Variants in SULF2 observed in about 807,000 individuals in gnomAD.
The protein encoded by SULF2 is extracellular sulfatase Sulf-2.
SULF2 carries 52 observed loss-of-function variants against 107.7 expected under a neutral mutation model. The ratio of observed to expected loss-of-function variants is 0.48; its 90% confidence interval spans 0.39 to 0.61. SULF2 has a LOEUF of 0.61. Among genes scored for constraint, SULF2 ranks in the 20% least tolerant of loss-of-function variants. SULF2 has a pLI of 0.00. For synonymous variants in SULF2, 460 were observed against 464.3 expected, an observed-to-expected ratio of 0.99 and a Z score of 0.12; for missense variants, 993 against 1,177.3, an observed-to-expected ratio of 0.84 and a Z score of 2.29.
At position 47,683,025 on chromosome 20, in the gene SULF2, C is replaced by T. The variant is rs373491304; in HGVS notation, c.1033G>A (p.Val345Met). Residue 345 changes from valine (V) to methionine (M), a missense_variant, in exon 7 of 21, where the codon GTG (valine) becomes ATG (methionine). By Grantham distance (21) the Val-to-Met change is conservative. Around this residue, in one of 3 missense-constraint regions of SULF2, gnomAD observed 108 missense variants for 183.9 expected, o/e 0.59. Transcript: ENST00000688720. ...CCGGCTTCCACGTTGGGGCCCCTCA[C>T]GTAGAACGGGACCCTGATGTCAAAC... ...YEFDIRVPFYVRGPNVEAGCL... is the reference protein window; with the variant it reads ...YEFDIRVPFYMRGPNVEAGCL... 7.1e-5 allele frequency: 115 copies of T among 1,612,368 alleles called. No homozygotes were observed. The highest frequency in any genetic ancestry group is 1.3e-4 in the African/African-American group (10 of 75,018).
chr20:47,691,965 A>C (rs577785447), intron 4 of SULF2, among the ~76,000 whole-genome samples: 1 of 152,232 alleles, frequency 6.6e-6, no homozygotes, highest in African/African-American at 2.4e-5. Context: ...CAGTGGTGAA[A>C]TCATGGCTCA....
intron 11 of SULF2, among the ~76,000 whole-genome samples, chr20:47,670,716 AGCGGGGT>A: frequency 1.3e-5 from 1 of 75,440 alleles, no homozygotes; most frequent in Non-Finnish European, 2.8e-5. Flanking sequence ...TGGGGGTGGG[AGCGGGGT>A]GGGAGAATGG....
chr20:47,729,260 G>C (rs34881944), intron 3 of SULF2, among the ~76,000 whole-genome samples: 7 of 152,086 alleles, frequency 4.6e-5, no homozygotes, highest in African/African-American at 1.7e-4. Flanking sequence ...GGCTGAGAGG[G>C]TTCAGAGAGA....
At chr20:47,682,053 CGTT>C (rs2087840152) in intron 7 of SULF2, among the ~76,000 whole-genome samples, 3 of 152,012 alleles carry the variant, frequency 2.0e-5, no homozygotes, top group South Asian at 2.1e-4. Context: ...TGTGGACTGT[CGTT>C]ATTACAGCTC....
At chr20:47,709,934 C>T (rs1480340430) in intron 3 of SULF2, among the ~76,000 whole-genome samples, 1 of 149,370 alleles carries the variant, frequency 6.7e-6, no homozygotes, top group East Asian at 2.0e-4. Context: ...TGGAGTCTCA[C>T]TCTGTCTCCC....
chr20:47,739,035 G>A (rs767901187), intron 2 of SULF2, among the ~76,000 whole-genome samples: 1 of 152,168 alleles, frequency 6.6e-6, no homozygotes. Flanking sequence ...ACAAGCCAAG[G>A]AACAAGGAAC....
At chr20:47,669,458 C>T (rs2087390609) in intron 11 of SULF2, among the ~76,000 whole-genome samples, 1 of 152,190 alleles carries the variant, frequency 6.6e-6, no homozygotes, top group African/African-American at 2.4e-5. Context: ...CCAGCAGCAC[C>T]CCTCCATCAC....
intron 15 of SULF2, 47 bp from the exon 16 acceptor site, chr20:47,663,669 G>C: frequency 6.6e-7 from 1 of 1,519,806 alleles, no homozygotes; most frequent in Non-Finnish European, 8.8e-7. Flanking sequence ...TGAGGGATCA[G>C]TGACCCCATG....
chr20:47,690,362 G>T, intron 4 of SULF2, 67 bp from the exon 5 acceptor site: 1 of 1,279,046 alleles, frequency 7.8e-7, no homozygotes, highest in Non-Finnish European at 1.0e-6. Context: ...TCCACTACGT[G>T]CCAGGCACCC....
At chr20:47,706,277 C>T (rs1163315592) in intron 3 of SULF2, among the ~76,000 whole-genome samples, 3 of 152,122 alleles carry the variant, frequency 2.0e-5, no homozygotes, top group Non-Finnish European at 4.4e-5. Flanking sequence ...CGCTGCCCTC[C>T]ATGCGGGGGG....
chr20:47,663,469 C>T lies in SULF2; in HGVS notation c.2211G>A (p.Thr737=), dbSNP rs775502103. The T allele has an allele frequency of 1.1e-5, 17 of 1,609,514 alleles. No individual in the cohort carries two copies. The highest frequency in any genetic ancestry group is 3.3e-5 in the South Asian group (3 of 91,090). The change falls in exon 16 of 21, where the codon ACG becomes ACA. Residue 737 remains threonine (T), a synonymous_variant. Transcript: ENST00000688720. The stretch of plus-strand genomic sequence containing the variant: ...CTTGCTCACGTGTCCAGAAAGGCGC[C>T]GTCTGCCAGTGCTGGTTGTCGTGGG... The part of the protein sequence containing the change: ...CFTHDNQHWQ[T]APFWTLGPFC...
Position 47,672,117 on chromosome 20 carries a change from G to C in SULF2, c.1576+81C>G, listed in dbSNP as rs913995572. On this transcript the variant is annotated intron_variant, in intron 11 of 20. Transcript: ENST00000688720. ...ACCTGGCAAAGTGACAGTCTCTGTG[G>C]AACTGTCGGAGTGAATGAATGGGGC... The C allele has an allele frequency of 2.8e-6, 4 of 1,415,114 alleles. No homozygotes were observed. In the African/African-American group the frequency reaches 5.7e-5, roughly 20 times the overall value. The allele number at this position is 1,415,114 out of a possible 1,614,324, so 87.7% of individuals were successfully genotyped here. A position where few individuals can be genotyped will look rare whatever the true frequency, so the allele number is the denominator to read the frequency against.
Position 47,680,110 on chromosome 20 carries a change from C to T in SULF2, c.1065-1306G>A, listed in dbSNP as rs76907592. 0.01 allele frequency among the ~76,000 whole-genome samples: 1,572 copies of T among 152,146 alleles called. 20 individuals carry two copies. Among genetic ancestry groups the T allele is most frequent in the African/African-American group, 0.036 (1,474 of 41,492 alleles). ...ATACATCTGCCACCTTTCCTGGCTCCTGTTTCTTTTTTTGAGAGGTGTCTT... is the reference window on the plus strand; with the variant it reads ...ATACATCTGCCACCTTTCCTGGCTCTTGTTTCTTTTTTTGAGAGGTGTCTT... On this transcript the variant is annotated intron_variant, in intron 7 of 20. Coordinates refer to ENST00000688720, the MANE Select transcript of SULF2 (RefSeq NM_001387048.1). This position sits in a 1 kb window ranked among gnomAD's most constrained non-coding sequence, Gnocchi z 4.2.
intron 5 of SULF2, chr20:47,689,898 C>T (rs1277570617): frequency 5.1e-6 from 2 of 388,356 alleles, no homozygotes; most frequent in African/African-American, 2.1e-5. Context: ...TGGTGGGAGG[C>T]CGTGTATCCC....
At chr20:47,709,314 G>T (rs2146634313) in intron 3 of SULF2, among the ~76,000 whole-genome samples, 1 of 152,360 alleles carries the variant, frequency 6.6e-6, no homozygotes, top group South Asian at 2.1e-4. Context: ...AGGAATTAAT[G>T]GCAGGCCAGG....
intron 3 of SULF2, 80 bp downstream of exon 3, chr20:47,736,623 G>A (rs770144719): frequency 1.3e-5 from 20 of 1,566,824 alleles, no homozygotes; most frequent in African/African-American, 6.8e-5. Flanking sequence ...CTTGGGTACC[G>A]CAGTGGTGTG....
At chr20:47,671,686 C>T (rs1197998394) in intron 11 of SULF2, among the ~76,000 whole-genome samples, 1 of 152,108 alleles carries the variant, frequency 6.6e-6, no homozygotes, top group Non-Finnish European at 1.5e-5. Flanking sequence ...AGCATTTTCA[C>T]CAGCCAATCA....
In SULF2 at chr20:47,680,232, G is replaced by A. The variant is rs1475923516; in HGVS notation, c.1065-1428C>T. Among the ~76,000 whole-genome samples the A allele has an allele frequency of 6.6e-6, 1 of 152,162 alleles. No individual in the cohort carries two copies. The highest frequency in any genetic ancestry group is 2.1e-4 in the South Asian group (1 of 4,822). ...CGATTCTCATGCCTCAGCCTCCCGAGTAGCTGGGATTACAGGCATGCGCCA... is the reference window on the plus strand; with the variant it reads ...CGATTCTCATGCCTCAGCCTCCCGAATAGCTGGGATTACAGGCATGCGCCA... On this transcript the variant is annotated intron_variant, in intron 7 of 20. Coordinates refer to ENST00000688720, the MANE Select transcript of SULF2 (RefSeq NM_001387048.1). This position sits in a 1 kb window ranked among gnomAD's most constrained non-coding sequence, Gnocchi z 4.2.
chr20:47,690,228 G>A lies in SULF2; in HGVS notation c.635C>T (p.Pro212Leu), dbSNP rs769397181. The change falls in exon 5 of 21, where the codon CCG (proline) becomes CTG (leucine). Residue 212 changes from proline to leucine, a missense_variant. Coordinates refer to ENST00000688720, the MANE Select transcript of SULF2 (RefSeq NM_001387048.1). ...GATGACCATGAGGACTGGCCTGTGC[G>A]GGTACATCTTCTTGGACGTGCGGAA... ...SFFRTSKKMY[P>L]HRPVLMVISH... 1.3e-5 allele frequency: 21 copies of A among 1,572,198 alleles called. 1 individual carries two copies. The highest frequency in any genetic ancestry group is 3.5e-5 in the South Asian group (3 of 85,898).
Sources: gnomAD v4.1 joint callset for allele counts (sites outside exome capture counted in the v4.1 genomes callset) on GRCh38, gnomAD v4.1.1 for gene constraint, gnomAD v4.1.1 regional missense constraint, Gnocchi (gnomAD v3.1) non-coding constraint, MANE v1.5 for transcripts, NCBI Gene and HGNC (gene_info 2026-07-23, HGNC 2026-07-21) for gene names.